The following HSD17B14 variants were observed in gnomAD, a reference collection of about 807,000 sequenced individuals.
HSD17B14 encodes hydroxysteroid 17-beta dehydrogenase 14.
In HSD17B14, 32 loss-of-function variants were observed where a neutral mutation model predicts 32.2. The ratio of observed to expected loss-of-function variants is 0.99; its 90% CI spans 0.75 to 1.33. The LOEUF (loss-of-function observed/expected upper bound fraction) is 1.33, where lower values mean the gene tolerates loss of function less well. Ranked by LOEUF, HSD17B14 falls within the 40% of genes most tolerant of loss-of-function variation. HSD17B14 has a pLI of 0.00. For synonymous variants in HSD17B14, 140 were observed against 155.4 expected (o/e 0.90, Z 0.74); for missense variants, 370 against 366.5 (o/e 1.01, Z -0.08).
Position 48,836,395 on chromosome 19 carries a change from C to T in HSD17B14, c.17G>A (p.Arg6His). 1 of 1,613,818 alleles carries T rather than the reference C, an allele frequency of 6.2e-7. No homozygotes were observed. The highest frequency in any genetic ancestry group is 8.5e-7 in the Non-Finnish European group (1 of 1,179,996). The change falls in exon 1 of 9, where the codon CGC becomes CAC. Residue 6 changes from arginine (R) to histidine (H), a missense_variant. Coordinates refer to ENST00000263278, the MANE Select transcript of HSD17B14 (RefSeq NM_016246.3). MATGT[R>H]YAGKVVVVTG... ...CACGACCACCACCTTCCCGGCATAGCGCGTTCCCGTAGCCATCCCGTGTAC... is the reference window on the plus strand; with the variant it reads ...CACGACCACCACCTTCCCGGCATAGTGCGTTCCCGTAGCCATCCCGTGTAC...
intron 5 of HSD17B14, among the ~76,000 whole-genome samples, chr19:48,823,620 T>G (rs2122767520): frequency 6.7e-6 from 1 of 149,492 alleles, no homozygotes; most frequent in East Asian, 2.0e-4. Flanking sequence ...TATACTACTA[T>G]ATTTTTCTTT....
rs567809557 is a variant in HSD17B14, at chr19:48,820,038, T to G, written c.370-4897A>C. On this transcript the variant is annotated intron_variant, in intron 5 of 8. Transcript: ENST00000263278. ...CAGGCATAGTGGTGTGCGTTTATGG[T>G]CCCAGGTTTTCGGGAGGCTGAGGTG... Among the ~76,000 whole-genome samples, 82 of 152,258 alleles carry G rather than the reference T, an allele frequency of 5.4e-4. 1 individual carries two copies. The South Asian group carries it at 0.016, about 29-fold the overall frequency.
chr19:48,818,000 T>A lies in HSD17B14; in HGVS notation c.370-2859A>T, dbSNP rs540521496. Among the ~76,000 whole-genome samples, 3 of 152,110 alleles carry A rather than the reference T, an allele frequency of 2.0e-5. 1 individual carries two copies. Among genetic ancestry groups the A allele is most frequent in the South Asian group, 2.1e-4 (1 of 4,812 alleles). On this transcript the variant is annotated intron_variant, in intron 5 of 8. Coordinates refer to ENST00000263278, the MANE Select transcript of HSD17B14 (RefSeq NM_016246.3). ...CCCAAACCCATAAACAAACAACAATTTCTCACAATTCTAAGTATTAAGAAC... is the reference window on the plus strand; with the variant it reads ...CCCAAACCCATAAACAAACAACAATATCTCACAATTCTAAGTATTAAGAAC...
intron 5 of HSD17B14, among the ~76,000 whole-genome samples, chr19:48,826,429 G>A (rs2035246493): frequency 6.9e-6 from 1 of 144,352 alleles, no homozygotes; most frequent in South Asian, 2.2e-4. Flanking sequence ...AGGTAGTCAA[G>A]GTTGTGGTGA....
rs930134447 is a variant in HSD17B14 at position 48,813,289 on chromosome 19, G to C, written c.699C>G (p.Ser233=). 2 of 1,602,600 alleles carry C rather than the reference G, an allele frequency of 1.2e-6. No individual in the cohort carries two copies. Among genetic ancestry groups the C allele is most frequent in the Non-Finnish European group, 1.7e-6 (2 of 1,174,698 alleles). Residue 233 remains serine, a synonymous_variant, in exon 9 of 9, where the codon TCC becomes TCG. Transcript: ENST00000263278. ...CAATGCCCGTGCAGAAGTTGGCTTC[G>C]GAGGCCAGGAACACTGCCGCAGCCC... is the stretch of plus-strand genomic sequence containing the variant. The part of the protein sequence containing the change: ...EVGAAAVFLA[S]EANFCTGIEL...
At chr19:48,824,421 G>A (rs2035209178) in intron 5 of HSD17B14, among the ~76,000 whole-genome samples, 1 of 146,598 alleles carries the variant, frequency 6.8e-6, no homozygotes, top group Non-Finnish European at 1.5e-5. Flanking sequence ...GGAAGACAAG[G>A]AAAGGAGGAA....
intron 5 of HSD17B14, among the ~76,000 whole-genome samples, chr19:48,821,538 G>A (rs1952208674): frequency 6.6e-6 from 1 of 152,184 alleles, no homozygotes; most frequent in South Asian, 2.1e-4. Context: ...TCTAATTCAA[G>A]GGATCTGGGC....
In HSD17B14 at chr19:48,835,614, G is replaced by C. The variant is rs567068792; in HGVS notation, c.127+191C>G. ...GCTGGGGACCTGGACTCCTGGGTCT[G>C]AGGGCAGAGGGGCTGGGGGCCTGGA... On this transcript the variant is annotated intron_variant, in intron 2 of 8. Coordinates refer to ENST00000263278, the MANE Select transcript of HSD17B14 (RefSeq NM_016246.3). 2.1e-5 allele frequency among the ~76,000 whole-genome samples: 3 copies of C among 143,030 alleles called. No homozygotes were observed. The South Asian group carries it at 6.5e-4, about 31-fold the overall frequency. 93.8% of individuals were successfully genotyped at this position (143,030 alleles called of 152,430 possible). A position where few individuals can be genotyped will look rare whatever the true frequency, so the allele number is the denominator to read the frequency against.
intron 5 of HSD17B14, among the ~76,000 whole-genome samples, chr19:48,821,913 T>C (rs1394060471): frequency 2.1e-5 from 3 of 142,126 alleles, no homozygotes; most frequent in African/African-American, 7.9e-5. Flanking sequence ...GTGATGATGA[T>C]AATGGTGATG....
intron 5 of HSD17B14, among the ~76,000 whole-genome samples, chr19:48,827,384 C>T (rs1403561854): frequency 5.3e-5 from 8 of 151,902 alleles, no homozygotes; most frequent in Non-Finnish European, 7.4e-5. Flanking sequence ...TAGCTGTATG[C>T]GCAGGGCTCC....
chr19:48,826,528 A>AAAAAAAAAAAAT (rs777368104), intron 5 of HSD17B14, among the ~76,000 whole-genome samples: 48 of 23,096 alleles, frequency 2.1e-3, no homozygotes, highest in African/African-American at 5.4e-3. Flanking sequence ...AAAAGAAGAA[A>AAAAAAAAAAAAT]ATATATATAT....
chr19:48,827,273 C>T (rs992497635), intron 5 of HSD17B14, among the ~76,000 whole-genome samples: 2 of 151,778 alleles, frequency 1.3e-5, no homozygotes, highest in Non-Finnish European at 2.9e-5. Flanking sequence ...GAACTCCTGA[C>T]CTCATGATCT....
intron 5 of HSD17B14, among the ~76,000 whole-genome samples, chr19:48,826,600 G>A (rs2035256332): frequency 7.0e-6 from 1 of 142,114 alleles, no homozygotes; most frequent in African/African-American, 2.5e-5. Context: ...ATGGGCTGAG[G>A]TGTAGGTGTG....
chr19:48,830,123 G>A (rs774381245), intron 5 of HSD17B14, among the ~76,000 whole-genome samples: 6 of 151,996 alleles, frequency 3.9e-5, no homozygotes, highest in Admixed American at 6.6e-5. Flanking sequence ...TTAGGTGAGC[G>A]AGCCAGACAG....
Position 48,834,323 on chromosome 19 carries a change from C to A in HSD17B14, c.163G>T (p.Gly55Ter). 1 of 1,614,066 alleles carries A rather than the reference C, an allele frequency of 6.2e-7. No homozygotes were observed. The highest frequency in any genetic ancestry group is 1.1e-5 in the South Asian group (1 of 91,080). The change falls in exon 3 of 9, where the codon GGA becomes TGA. Residue 55 changes from glycine (G) to a stop codon, truncating the protein, a stop_gained. Transcript: ENST00000263278. LOFTEE classifies it high-confidence loss of function. ...ACATCACAGAGGATAAAGACAGCTC[C>A]AGGGAGCTCCTGCTCCAGGGCCCGG... Reference protein sequence around the residue: ...GGRALEQELPGAVFILCDVTQ... With the variant: ...GGRALEQELP
rs12460361 is a variant in HSD17B14, at chr19:48,832,009, T to C, written c.278-250A>G. 5.3e-3 allele frequency among the ~76,000 whole-genome samples: 688 copies of C among 129,410 alleles called. 15 individuals carry two copies. Among genetic ancestry groups the C allele is most frequent in the Admixed American group, 0.042 (489 of 11,740 alleles). 84.9% of individuals were successfully genotyped at this position (129,410 alleles called of 152,430 possible). A position where few individuals can be genotyped will look rare whatever the true frequency, so the allele number is the denominator to read the frequency against. ...AGGAGAATTGCTTGAACCTGGGAGG[T>C]GCAGGTTGCAGTGAGCCTAGATCGA... On this transcript the variant is annotated intron_variant, in intron 4 of 8. Transcript: ENST00000263278.
chr19:48,815,320 G>A (rs2035033396), intron 5 of HSD17B14, among the ~76,000 whole-genome samples, 179 bp from the exon 6 acceptor site: 1 of 152,062 alleles, frequency 6.6e-6, no homozygotes, highest in African/African-American at 2.4e-5. Flanking sequence ...TTTGCCCTGG[G>A]GTCGCTGGGT....
At position 48,813,289 on chromosome 19, in the gene HSD17B14, G is replaced by A. The variant is rs930134447; in HGVS notation, c.699C>T (p.Ser233=). The A allele has an allele frequency of 9.4e-6, 15 of 1,602,602 alleles. No individual in the cohort carries two copies. The East Asian group carries it at 1.6e-4, about 17-fold the overall frequency. The change falls in exon 9 of 9, where the codon TCC becomes TCT. Residue 233 remains serine (S), a synonymous_variant. Coordinates refer to ENST00000263278, the MANE Select transcript of HSD17B14 (RefSeq NM_016246.3). ...EVGAAAVFLA[S]EANFCTGIEL... The stretch of plus-strand genomic sequence containing the variant: ...CAATGCCCGTGCAGAAGTTGGCTTC[G>A]GAGGCCAGGAACACTGCCGCAGCCC...
At chr19:48,824,112 G>A (rs1253997827) in intron 5 of HSD17B14, among the ~76,000 whole-genome samples, 6 of 146,714 alleles carry the variant, frequency 4.1e-5, no homozygotes, top group Non-Finnish European at 7.5e-5. Context: ...AAAATTAGCC[G>A]GGCATGGTGG....
Sources: allele counts gnomAD v4.1 joint callset (sites outside exome capture counted in the v4.1 genomes callset), GRCh38; gene constraint gnomAD v4.1.1; transcripts MANE v1.5; gene names NCBI Gene and HGNC (gene_info 2026-07-23, HGNC 2026-07-21).